Variants in PTPDC1 observed in about 807,000 individuals in gnomAD.
PTPDC1 encodes protein tyrosine phosphatase domain containing 1, also known as protein tyrosine phosphatase domain-containing protein 1.
PTPDC1 carries 53 observed loss-of-function variants against 75.3 expected under a neutral mutation model. That is an observed-to-expected ratio of 0.70 (90% CI 0.56 to 0.88). The LOEUF (loss-of-function observed/expected upper bound fraction) is 0.88. Ranked by LOEUF, PTPDC1 falls within the 40% of genes least tolerant of loss-of-function variation. The probability of loss-of-function intolerance (pLI) is 0.00; values close to 1 mark genes in which losing one functional copy is unlikely to be tolerated. For missense variants in PTPDC1, 925 were observed against 998.6 expected (o/e 0.93, Z 0.99); for synonymous variants, 349 against 366.2 (o/e 0.95, Z 0.54).
chr9:94,037,800 G>A (rs751827060), intron 1 of PTPDC1, among the ~76,000 whole-genome samples: 12 of 152,202 alleles, frequency 7.9e-5, no homozygotes, highest in East Asian at 1.9e-4. Context: ...TGGGGAAGTC[G>A]CTGAAGGAAA....
rs147113329 is a variant in PTPDC1, at chr9:94,095,449, G to A, written c.749G>A (p.Arg250Gln). 1.4e-5 allele frequency: 22 copies of A among 1,611,898 alleles called. No individual in the cohort carries two copies. The highest frequency in any genetic ancestry group is 4.4e-5 in the South Asian group (4 of 90,650). Residue 250 changes from arginine (R) to glutamine (Q), a missense_variant, in exon 5 of 9, where the codon CGA (arginine) becomes CAA (glutamine). Physicochemically the swap from Arg to Gln is conservative, Grantham distance 43. Transcript: ENST00000620992. ...VAIHCHAGLGRTGVLIACYLV... is the reference protein window; with the variant it reads ...VAIHCHAGLGQTGVLIACYLV... Reference sequence around the variant, plus strand: ...ATCCATTGTCATGCAGGGCTTGGTCGAACAGGTAGGTCCTAAGAGGTGGTT... The same window carrying A: ...ATCCATTGTCATGCAGGGCTTGGTCAAACAGGTAGGTCCTAAGAGGTGGTT...
At chr9:94,062,755 C>T (rs757093237) in intron 1 of PTPDC1, among the ~76,000 whole-genome samples, 37 of 152,334 alleles carry the variant, frequency 2.4e-4, no homozygotes, top group Middle Eastern at 3.4e-3. Flanking sequence ...CCACAGGCCC[C>T]ACCTCCAACA....
intron 2 of PTPDC1, 42 bp downstream of exon 2, chr9:94,085,464 G>A: frequency 6.2e-7 from 1 of 1,605,054 alleles, no homozygotes; most frequent in Non-Finnish European, 8.5e-7. Flanking sequence ...GTTGGATACA[G>A]GAAGGACACT....
At chr9:94,034,703 A>G (rs928190846) in intron 1 of PTPDC1, among the ~76,000 whole-genome samples, 3 of 152,216 alleles carry the variant, frequency 2.0e-5, no homozygotes, top group Non-Finnish European at 4.4e-5. Flanking sequence ...AACTTCTAAG[A>G]AATTATGATG....
rs76432343 is a variant in PTPDC1, at chr9:94,068,968, T to C, written c.82+4147T>C. 3.0e-3 allele frequency among the ~76,000 whole-genome samples: 464 copies of C among 152,306 alleles called. 2 individuals carry two copies. Among genetic ancestry groups the C allele is most frequent in the African/African-American group, 0.01 (416 of 41,564 alleles). ...GGACAGTAAGAACCCCATCAAGCTG[T>C]TTACAATGTCCATTTTACATGTCCC... On this transcript the variant is annotated intron_variant, in intron 2 of 9. Coordinates refer to the PTPDC1 transcript ENST00000375360.
chr9:94,096,077 T>G (rs1165472979), intron 5 of PTPDC1, among the ~76,000 whole-genome samples: 4 of 152,198 alleles, frequency 2.6e-5, no homozygotes, highest in African/African-American at 9.7e-5. Context: ...TATTAAAAAG[T>G]CAGTGATTTT....
intron 7 of PTPDC1, among the ~76,000 whole-genome samples, chr9:94,102,232 T>C (rs1241209105): frequency 6.6e-6 from 1 of 152,052 alleles, no homozygotes; most frequent in Non-Finnish European, 1.5e-5. Context: ...ATGGGAAAAA[T>C]TATGAATTAG....
intron 2 of PTPDC1, among the ~76,000 whole-genome samples, chr9:94,078,316 C>A (rs932070690): frequency 2.0e-5 from 3 of 152,206 alleles, no homozygotes; most frequent in South Asian, 2.1e-4. Flanking sequence ...ATATTTAGCA[C>A]TTTGAATATG....
At position 94,108,139 on chromosome 9, in the gene PTPDC1, T is replaced by C. The variant is rs1321271471; in HGVS notation, c.*195T>C. On this transcript the variant is annotated 3_prime_UTR_variant, in exon 9 of 9. Transcript: ENST00000620992. ...AATATATTTAAGCTACATTTTTGTT[T>C]TGAAAAATTGCCATAAATTTGGTGC... 1.4e-5 allele frequency: 5 copies of C among 350,198 alleles called. No individual in the cohort carries two copies. Among genetic ancestry groups the C allele is most frequent in the Non-Finnish European group, 2.6e-5 (5 of 195,378 alleles). 21.7% of individuals were successfully genotyped at this position (350,198 alleles called of 1,614,324 possible). A position where few individuals can be genotyped will look rare whatever the true frequency, so the allele number is the denominator to read the frequency against.
chr9:94,031,368 G>C (rs1264023594), intron 1 of PTPDC1, among the ~76,000 whole-genome samples: 1 of 152,004 alleles, frequency 6.6e-6, no homozygotes, highest in Non-Finnish European at 1.5e-5. Flanking sequence ...CTCAACTGCC[G>C]CTGGAAGCGA....
At position 94,084,574 on chromosome 9, in the gene PTPDC1, T is replaced by C; in HGVS notation, c.44T>C (p.Phe15Ser). Reference protein sequence around the residue: ...DATRRPSAVRFLSSFLQGRRH... With the variant: ...DATRRPSAVRSLSSFLQGRRH... ...ACCAGGCGGCCCTCAGCCGTGCGCT[T>C]CCTCAGCTCCTTTCTCCAGGGCCGC... Residue 15 changes from phenylalanine to serine, a missense_variant, in exon 1 of 9, where the codon TTC (phenylalanine) becomes TCC (serine). Phe to Ser is a radical substitution (Grantham distance 155). Transcript: ENST00000620992. 6.2e-7 allele frequency: 1 copy of C among 1,613,654 alleles called. No homozygotes were observed. The highest frequency in any genetic ancestry group is 8.5e-7 in the Non-Finnish European group (1 of 1,180,024).
At chr9:94,060,325 T>C (rs957262286) in intron 1 of PTPDC1, among the ~76,000 whole-genome samples, 1 of 152,226 alleles carries the variant, frequency 6.6e-6, no homozygotes, top group South Asian at 2.1e-4. Context: ...AAAGATATTG[T>C]GGAGAGTGTG....
chr9:94,064,161 G>C (rs1826225168), intron 1 of PTPDC1, among the ~76,000 whole-genome samples: 1 of 152,166 alleles, frequency 6.6e-6, no homozygotes, highest in South Asian at 2.1e-4. Context: ...AAAATGTTGA[G>C]ATCATCTTTA....
intron 1 of PTPDC1, among the ~76,000 whole-genome samples, chr9:94,059,143 G>A (rs1395119358): frequency 2.6e-5 from 4 of 152,032 alleles, no homozygotes; most frequent in Admixed American, 6.5e-5. Flanking sequence ...TACTTAAAGC[G>A]TCACATAGTT....
At chr9:94,084,450 T>C (rs369163997), upstream of PTPDC1, 154 of 1,569,350 alleles carry the variant, frequency 9.8e-5, 2 homozygotes, top group African/African-American at 1.0e-3. Context: ...AACGATGCAA[T>C]GCTCCCTGCT....
intron 4 of PTPDC1, among the ~76,000 whole-genome samples, chr9:94,093,610 C>T (rs1176985486): frequency 6.6e-6 from 1 of 151,680 alleles, no homozygotes; most frequent in African/African-American, 2.4e-5. Flanking sequence ...CTCTGTATTT[C>T]CTGAATCTGA....
At chr9:94,075,183 G>A (rs1826643588) in intron 2 of PTPDC1, among the ~76,000 whole-genome samples, 1 of 152,210 alleles carries the variant, frequency 6.6e-6, no homozygotes. Context: ...AGGGGAATCA[G>A]AGTGCCACCT....
intron 1 of PTPDC1, among the ~76,000 whole-genome samples, chr9:94,036,074 A>G (rs757773286): frequency 2.3e-4 from 26 of 111,128 alleles, no homozygotes; most frequent in Admixed American, 5.7e-4. Context: ...TTCCTGATGT[A>G]TTTTGGATAT....
intron 1 of PTPDC1, chr9:94,038,102 G>C: frequency 1.8e-6 from 1 of 556,510 alleles, no homozygotes; most frequent in Non-Finnish European, 3.4e-6. Context: ...GGAAAAGGGA[G>C]GCAAGCATAA....
Sources: allele counts gnomAD v4.1 joint callset (sites outside exome capture counted in the v4.1 genomes callset), GRCh38; gene constraint gnomAD v4.1.1; transcripts MANE v1.5; gene names NCBI Gene and HGNC (gene_info 2026-07-23, HGNC 2026-07-21).